The following GALNT14 variants were observed in gnomAD, a reference collection of about 807,000 sequenced individuals.
The protein encoded by GALNT14 is UDP-GalNAc:polypeptide N-acetylgalactosaminyltransferase 14.
GALNT14 carries 60 observed loss-of-function variants against 77.5 expected under a neutral mutation model. The ratio of observed to expected loss-of-function variants is 0.77; its 90% CI spans 0.63 to 0.96. The LOEUF (loss-of-function observed/expected upper bound fraction) is 0.96, where lower values mean the gene tolerates loss of function less well. GALNT14 is among the 40% of genes least tolerant of loss of function. GALNT14 has a pLI of 0.00. For missense variants in GALNT14, 710 were observed against 731.0 expected (o/e 0.97, Z 0.33); for synonymous variants, 280 against 281.7 (o/e 0.99, Z 0.06).
chr2:31,125,812 T>C (rs547701071), intron 1 of GALNT14, among the ~76,000 whole-genome samples: 42 of 152,276 alleles, frequency 2.8e-4, no homozygotes, highest in African/African-American at 9.9e-4. Context: ...AACAACCAAA[T>C]AATGTGGTGT....
intron 2 of GALNT14, among the ~76,000 whole-genome samples, chr2:30,989,587 T>A (rs6753546): frequency 2.3e-5 from 3 of 128,966 alleles, no homozygotes; most frequent in Non-Finnish European, 4.9e-5. Context: ...TATATAAAAA[T>A]ATATATATTA....
intron 2 of GALNT14, among the ~76,000 whole-genome samples, chr2:30,987,490 C>T (rs955652619): frequency 6.6e-6 from 1 of 152,124 alleles, no homozygotes; most frequent in African/African-American, 2.4e-5. Flanking sequence ...GACTGTCTCT[C>T]GTAAAATACC....
intron 11 of GALNT14, among the ~76,000 whole-genome samples, chr2:30,925,053 C>G (rs534378342): frequency 6.6e-6 from 1 of 152,170 alleles, no homozygotes; most frequent in Admixed American, 6.5e-5. Context: ...GTAATGACAG[C>G]GAGGACTGGT....
chr2:31,137,892 G>A (rs1362550496), intron 1 of GALNT14, 66 bp downstream of exon 1: 3 of 1,544,326 alleles, frequency 1.9e-6, no homozygotes, highest in African/African-American at 1.4e-5. Context: ...CCGCAAACCC[G>A]GCACGCGGGC....
At chr2:30,947,455 C>T (rs909282688) in intron 6 of GALNT14, among the ~76,000 whole-genome samples, 2 of 152,164 alleles carry the variant, frequency 1.3e-5, no homozygotes, top group African/African-American at 2.4e-5. Context: ...TTGGAGCCAT[C>T]GAGCCACTGT....
chr2:31,030,398 A>G (rs1672333908), intron 1 of GALNT14, among the ~76,000 whole-genome samples: 1 of 152,198 alleles, frequency 6.6e-6, no homozygotes, highest in African/African-American at 2.4e-5. Context: ...TGTTTAGCAA[A>G]AGGAACTTAA....
chr2:31,107,686 G>A (rs150231198), intron 1 of GALNT14, among the ~76,000 whole-genome samples: 1 of 152,234 alleles, frequency 6.6e-6, no homozygotes, highest in East Asian at 1.9e-4. Context: ...TCTATTAGCA[G>A]AATGGGAAGG....
chr2:31,100,611 A>C (rs1489203984), intron 1 of GALNT14, among the ~76,000 whole-genome samples: 1 of 151,988 alleles, frequency 6.6e-6, no homozygotes, highest in Non-Finnish European at 1.5e-5. Flanking sequence ...CTAATAGCAT[A>C]GATCCTTGTT....
intron 1 of GALNT14, among the ~76,000 whole-genome samples, chr2:31,115,683 G>A (rs1160160447): frequency 6.6e-6 from 1 of 152,148 alleles, no homozygotes; most frequent in Non-Finnish European, 1.5e-5. Flanking sequence ...AAGGTAGGGT[G>A]AATAAAAGTC....
At chr2:31,014,200 T>G (rs1452655753) in intron 1 of GALNT14, among the ~76,000 whole-genome samples, 1 of 152,164 alleles carries the variant, frequency 6.6e-6, no homozygotes, top group Admixed American at 6.5e-5. Context: ...TTGCACATAG[T>G]AAATGTCAAT....
chr2:31,079,538 G>A lies in GALNT14; in HGVS notation c.129+58420C>T, dbSNP rs568538010. ...TAAGGGAAGGGTGCTAAGTCAAAAC[G>A]GTAGTTGAACAGCATGCTTTTTGCA... On this transcript the variant is annotated intron_variant, in intron 1 of 14. Coordinates refer to ENST00000349752, the MANE Select transcript of GALNT14 (RefSeq NM_024572.4). 6.6e-5 allele frequency among the ~76,000 whole-genome samples: 10 copies of A among 152,264 alleles called. No homozygotes were observed. The South Asian group carries it at 1.0e-3, about 16-fold the overall frequency.
chr2:31,099,898 A>T (rs961198124), intron 1 of GALNT14, among the ~76,000 whole-genome samples: 7 of 151,944 alleles, frequency 4.6e-5, no homozygotes, highest in African/African-American at 1.7e-4. Context: ...AAACAAACTT[A>T]ACTAGTTTTA....
Position 31,025,406 on chromosome 2 carries a change from C to T in GALNT14, c.130-32399G>A, listed in dbSNP as rs534838477. ...ACACTCCATATTATGGAGAGAGAGA[C>T]GGGTAGAGGCAGGCATAGGGAGATG... On this transcript the variant is annotated intron_variant, in intron 1 of 14. Transcript: ENST00000349752. Among the ~76,000 whole-genome samples, 63 of 152,108 alleles carry T rather than the reference C, an allele frequency of 4.1e-4. No individual in the cohort carries two copies. The South Asian group carries it at 0.011, about 27-fold the overall frequency.
chr2:31,069,787 TA>T (rs1392574720), intron 1 of GALNT14, among the ~76,000 whole-genome samples: 8 of 152,192 alleles, frequency 5.3e-5, no homozygotes, highest in Non-Finnish European at 1.2e-4. Flanking sequence ...GATTTCCTTT[TA>T]AATGACTGTC....
At chr2:31,042,257 A>G (rs141796844) in intron 1 of GALNT14, among the ~76,000 whole-genome samples, 9 of 152,298 alleles carry the variant, frequency 5.9e-5, no homozygotes, top group African/African-American at 1.7e-4. Flanking sequence ...CTATTTTTTT[A>G]AAGGTGACTT....
Position 30,932,074 on chromosome 2 carries a change from T to A in GALNT14, c.1052A>T (p.Tyr351Phe). 10 of 1,559,094 alleles carry A rather than the reference T, an allele frequency of 6.4e-6. No homozygotes were observed. Among genetic ancestry groups the A allele is most frequent in the Non-Finnish European group, 6.9e-6 (8 of 1,152,696 alleles). ...YVFPDGNANT[Y>F]IKNTKRTAEV... ...TGAGCCCCTGGGCACTTACTTTATA[T>A]ACGTGTTGGCATTTCCATCAGGGAA... Residue 351 changes from tyrosine to phenylalanine, a missense_variant, in exon 10 of 15, where the codon TAT (tyrosine) becomes TTT (phenylalanine). Tyr to Phe is a conservative substitution (Grantham distance 22). Transcript: ENST00000349752.
chr2:31,086,532 T>C (rs142727034), intron 1 of GALNT14, among the ~76,000 whole-genome samples: 2 of 152,020 alleles, frequency 1.3e-5, no homozygotes, highest in South Asian at 2.1e-4. Context: ...ATATGAATGA[T>C]GTTAGCAGTT....
chr2:31,054,144 C>T (rs72854837), intron 1 of GALNT14, among the ~76,000 whole-genome samples: 1,542 of 152,332 alleles, frequency 0.01, 19 homozygotes, highest in African/African-American at 0.035. Context: ...TAAAAGTAAA[C>T]AGGCCACTTC....
At chr2:31,123,387 A>G (rs1319335891) in intron 1 of GALNT14, among the ~76,000 whole-genome samples, 1 of 152,128 alleles carries the variant, frequency 6.6e-6, no homozygotes. Context: ...TACCTGGTCC[A>G]TGGTGCCCAA....
Sources: gnomAD v4.1 joint callset for allele counts (sites outside exome capture counted in the v4.1 genomes callset) on GRCh38, gnomAD v4.1.1 for gene constraint, MANE v1.5 for transcripts, NCBI Gene and HGNC (gene_info 2026-07-23, HGNC 2026-07-21) for gene names.